The following CCAR1 variants were observed in gnomAD, a reference collection of about 807,000 sequenced individuals.
CCAR1 encodes cell division cycle and apoptosis regulator protein 1.
CCAR1 carries 78 observed loss-of-function variants against 163.8 expected under a neutral mutation model. The ratio of observed to expected loss-of-function variants is 0.48; its 90% confidence interval spans 0.40 to 0.57. The LOEUF is 0.57. Ranked by LOEUF, CCAR1 falls within the 20% of genes least tolerant of loss-of-function variation. The probability of loss-of-function intolerance (pLI) is 0.00; values close to 1 mark genes in which losing one functional copy is unlikely to be tolerated. For synonymous variants in CCAR1, 443 were observed against 460.7 expected (o/e 0.96, Z 0.49); for missense variants, 1,019 against 1,365.2 (o/e 0.75, Z 4.00).
chr10:68,787,471 C>T (rs1401031616), intron 21 of CCAR1, among the ~76,000 whole-genome samples: 5 of 151,956 alleles, frequency 3.3e-5, no homozygotes, highest in Non-Finnish European at 5.9e-5. Flanking sequence ...CAATGTTATA[C>T]TTTTTAACAA....
At chr10:68,737,137 G>A in intron 3 of CCAR1, 89 bp downstream of exon 3, 1 of 840,340 alleles carries the variant, frequency 1.2e-6, no homozygotes, top group Non-Finnish European at 1.9e-6. Context: ...TACAGGTAGT[G>A]AAGAATTATG....
chr10:68,728,894 G>A (rs1403396045), intron 2 of CCAR1, among the ~76,000 whole-genome samples: 1 of 151,820 alleles, frequency 6.6e-6, no homozygotes, highest in Non-Finnish European at 1.5e-5. Context: ...ACAGGTTGCA[G>A]TGAGCCGAGA....
Position 68,756,488 on chromosome 10 carries a change from T to C in CCAR1, c.1836+5T>C. ...AAGGAGGCTGATGGAGAACAGGCACTGAACGCTAATCCCTTTTTCTATTTC... is the reference window on the plus strand; with the variant it reads ...AAGGAGGCTGATGGAGAACAGGCACCGAACGCTAATCCCTTTTTCTATTTC... On this transcript the variant is annotated splice_donor_5th_base_variant and intron_variant, in intron 14 of 24. Coordinates refer to ENST00000265872, the MANE Select transcript of CCAR1 (RefSeq NM_018237.4). The surrounding 1 kb of genome is among the most constrained non-coding windows in gnomAD (Gnocchi z 5.1). 2 of 1,595,526 alleles carry C rather than the reference T, an allele frequency of 1.3e-6. No individual in the cohort carries two copies. The highest frequency in any genetic ancestry group is 1.7e-6 in the Non-Finnish European group (2 of 1,170,046).
intron 2 of CCAR1, among the ~76,000 whole-genome samples, chr10:68,724,160 GAAA>G (rs35445759): frequency 6.8e-6 from 1 of 146,938 alleles, no homozygotes; most frequent in African/African-American, 2.5e-5. Flanking sequence ...CTCTGTCTCA[GAAA>G]AAAAAAAAAT....
chr10:68,753,590 G>A (rs2056362883), intron 10 of CCAR1, among the ~76,000 whole-genome samples: 1 of 152,074 alleles, frequency 6.6e-6, no homozygotes, highest in Non-Finnish European at 1.5e-5. Context: ...TGAGATTCAA[G>A]TTATTTCAAA....
chr10:68,777,856 C>T (rs1052759777), intron 19 of CCAR1, among the ~76,000 whole-genome samples: 22 of 152,002 alleles, frequency 1.4e-4, no homozygotes, highest in African/African-American at 5.3e-4. Context: ...CACTTGAGCC[C>T]GGGAGGCGGA....
chr10:68,790,015 A>T (rs908935601), intron 24 of CCAR1, 100 bp downstream of exon 24: 8 of 706,490 alleles, frequency 1.1e-5, no homozygotes, highest in Non-Finnish European at 1.8e-5. Flanking sequence ...TGATTATTCT[A>T]AAAGCAAATA....
At chr10:68,780,593 T>G (rs1411634349) in intron 19 of CCAR1, among the ~76,000 whole-genome samples, 2 of 152,238 alleles carry the variant, frequency 1.3e-5, no homozygotes, top group African/African-American at 4.8e-5. Flanking sequence ...TTGTTTTTTT[T>G]GCACTGCACT....
chr10:68,758,396 A>C (rs928208150), intron 15 of CCAR1, among the ~76,000 whole-genome samples: 1 of 151,880 alleles, frequency 6.6e-6, no homozygotes, highest in Non-Finnish European at 1.5e-5. Context: ...ATACACATCT[A>C]AACTGGGAAG....
chr10:68,740,228 A>G (rs1333198056), intron 4 of CCAR1, among the ~76,000 whole-genome samples: 1 of 152,228 alleles, frequency 6.6e-6, no homozygotes, highest in Non-Finnish European at 1.5e-5. Context: ...TAATAACAAT[A>G]ACAAAAAAAT....
chr10:68,728,946 C>T (rs574515011), intron 2 of CCAR1, among the ~76,000 whole-genome samples: 1 of 150,086 alleles, frequency 6.7e-6, no homozygotes, highest in Non-Finnish European at 1.5e-5. Context: ...AGCTGGACTC[C>T]GTCCCAGAAA....
intron 17 of CCAR1, among the ~76,000 whole-genome samples, chr10:68,768,310 T>C (rs1279144340): frequency 6.6e-6 from 1 of 152,184 alleles, no homozygotes; most frequent in East Asian, 1.9e-4. Context: ...TTATCTTTTT[T>C]TTTTTAAGCA....
intron 2 of CCAR1, among the ~76,000 whole-genome samples, chr10:68,729,702 TAAA>T (rs3998848): frequency 1.3e-4 from 19 of 144,696 alleles, no homozygotes; most frequent in African/African-American, 2.3e-4. Flanking sequence ...AACTCCGTCT[TAAA>T]AAAAAAAAAA....
chr10:68,763,917 A>G (rs992905651), intron 16 of CCAR1, among the ~76,000 whole-genome samples: 1 of 152,192 alleles, frequency 6.6e-6, no homozygotes, highest in South Asian at 2.1e-4. Context: ...TAGTTCAGGA[A>G]TCAGTCATTT....
At chr10:68,763,016 T>TTA (rs2056492674) in intron 16 of CCAR1, among the ~76,000 whole-genome samples, 1 of 152,212 alleles carries the variant, frequency 6.6e-6, no homozygotes, top group Non-Finnish European at 1.5e-5. Flanking sequence ...CATTAGATAA[T>TTA]ATTAAAGCAG....
At chr10:68,790,124 C>T (rs541452615) in intron 24 of CCAR1, among the ~76,000 whole-genome samples, 9 of 152,140 alleles carry the variant, frequency 5.9e-5, no homozygotes, top group South Asian at 2.1e-4. Flanking sequence ...GAGGCCAACG[C>T]GGGCGGATCA....
chr10:68,789,678 T>G (rs35978551), intron 23 of CCAR1, 32 bp from the exon 24 acceptor site: 1 of 1,304,326 alleles, frequency 7.7e-7, no homozygotes, highest in East Asian at 2.4e-5. Flanking sequence ...TTTTAGGAAG[T>G]AAAATGTTAA....
Position 68,737,902 on chromosome 10 carries a change from T to G in CCAR1, c.291+13T>G. 1 of 1,567,032 alleles carries G rather than the reference T, an allele frequency of 6.4e-7. No homozygotes were observed. Among genetic ancestry groups the G allele is most frequent in the Non-Finnish European group, 8.7e-7 (1 of 1,150,946 alleles). Reference sequence around the variant, plus strand: ...TGTGCAACAACAGGTTAGTTTATATTTTCCGTGTTAAAAACTGATTTTAAA... The same window carrying G: ...TGTGCAACAACAGGTTAGTTTATATGTTCCGTGTTAAAAACTGATTTTAAA... On this transcript the variant is annotated intron_variant, in intron 4 of 24. Transcript: ENST00000265872.
At chr10:68,740,497 C>T in intron 4 of CCAR1, 132 bp from the exon 5 acceptor site, 1 of 738,660 alleles carries the variant, frequency 1.4e-6, no homozygotes, top group Non-Finnish European at 2.2e-6. Flanking sequence ...ATAGTGAGAC[C>T]TCGTTTCTGT....
Sources: allele counts gnomAD v4.1 joint callset (sites outside exome capture counted in the v4.1 genomes callset), GRCh38; gene constraint gnomAD v4.1.1; non-coding constraint Gnocchi (gnomAD v3.1); transcripts MANE v1.5; gene names NCBI Gene and HGNC (gene_info 2026-07-23, HGNC 2026-07-21).